Variants in APOBEC3F observed in about 807,000 individuals in gnomAD.
APOBEC3F encodes DNA dC->dU-editing enzyme APOBEC-3F.
APOBEC3F carries 34 observed loss-of-function variants against 45.8 expected under a neutral mutation model. The ratio of observed to expected loss-of-function variants is 0.74; its 90% CI spans 0.57 to 0.99. APOBEC3F has a LOEUF of 0.99. Among genes scored for constraint, APOBEC3F ranks in the 50% least tolerant of loss-of-function variants. The pLI, the probability that APOBEC3F is intolerant of heterozygous loss-of-function variation, is 0.00. For synonymous variants in APOBEC3F, 192 were observed against 174.4 expected (o/e 1.10, Z -0.80); for missense variants, 459 against 474.1 (o/e 0.97, Z 0.30).
intron 2 of APOBEC3F, chr22:39,044,149 C>T: frequency 1.9e-6 from 3 of 1,588,898 alleles, no homozygotes; most frequent in Non-Finnish European, 2.6e-6. Context: ...GTGCGCCCCA[C>T]CACATGGGAC....
At chr22:39,044,211 A>G (rs753887989) in intron 2 of APOBEC3F, 1 of 1,608,604 alleles carries the variant, frequency 6.2e-7, no homozygotes, top group African/African-American at 1.3e-5. Context: ...AACAAGGCAG[A>G]CCCTAGAGGG....
intron 4 of APOBEC3F, among the ~76,000 whole-genome samples, chr22:39,048,329 T>C (rs1214286556): frequency 6.6e-6 from 1 of 152,166 alleles, no homozygotes; most frequent in Non-Finnish European, 1.5e-5. Context: ...GATGGCCCCC[T>C]GCAGGCCTCA....
intron 4 of APOBEC3F, among the ~76,000 whole-genome samples, chr22:39,046,527 C>A (rs553824086): frequency 3.3e-5 from 5 of 152,114 alleles, no homozygotes; most frequent in African/African-American, 7.2e-5. Flanking sequence ...CCTCTGCTCA[C>A]GCCTGTCCCT....
At position 39,043,092 on chromosome 22, in the gene APOBEC3F, T is replaced by C. The variant is rs751907796; in HGVS notation, c.171+2T>C. The C allele has an allele frequency of 8.7e-6, 14 of 1,613,928 alleles. No individual in the cohort carries two copies. Among genetic ancestry groups the C allele is most frequent in the Middle Eastern group, 1.6e-4 (1 of 6,082 alleles). On this transcript the variant is annotated splice_donor_variant, in intron 2 of 6. Transcript: ENST00000308521. LOFTEE classifies it high-confidence loss of function. Reference sequence around the variant, plus strand: ...GACGCAAAGATCTTTCGAGGCCAGGTACCACCCGGACTTCAATCACTTTGC... The same window carrying C: ...GACGCAAAGATCTTTCGAGGCCAGGCACCACCCGGACTTCAATCACTTTGC...
rs1301211572 is a variant in APOBEC3F, at chr22:39,052,279, G to A, written c.929G>A (p.Trp310Ter). Residue 310 changes from tryptophan to a stop codon, truncating the protein, a stop_gained, in exon 6 of 7, where the codon TGG (tryptophan) becomes TAG (stop). Transcript: ENST00000308521. LOFTEE classifies it high-confidence loss of function. ...TTCACCGCCCGCCTCTACTACTTCT[G>A]GGATACAGATTACCAGGAGGGGCTC... ...TIFTARLYYF[W>*]DTDYQEGLRS... The A allele has an allele frequency of 2.5e-6, 4 of 1,614,194 alleles. No homozygotes were observed. In the East Asian group the frequency reaches 8.9e-5, roughly 36 times the overall value.
chr22:39,046,528 G>A (rs907691925), intron 4 of APOBEC3F, among the ~76,000 whole-genome samples: 10 of 151,770 alleles, frequency 6.6e-5, no homozygotes, highest in African/African-American at 2.2e-4. Flanking sequence ...CTCTGCTCAC[G>A]CCTGTCCCTT....
chr22:39,045,088 C>T lies in APOBEC3F; in HGVS notation c.319C>T (p.Leu107=). Residue 107 remains leucine (L), a synonymous_variant, in exon 3 of 7, where the codon CTG becomes TTG. Coordinates refer to ENST00000308521, the MANE Select transcript of APOBEC3F (RefSeq NM_145298.6). ...PDCVAKLAEF[L]AEHPNVTLTI... ...CTGTGTGGCGAAGCTGGCCGAATTC[C>T]TGGCTGAGCACCCCAATGTCACCCT... is the stretch of plus-strand genomic sequence containing the variant. 1.2e-6 allele frequency: 2 copies of T among 1,613,908 alleles called. No individual in the cohort carries two copies. Among genetic ancestry groups the T allele is most frequent in the Non-Finnish European group, 1.7e-6 (2 of 1,179,930 alleles).
chr22:39,049,373 C>G (rs1005637334), intron 4 of APOBEC3F, 52 bp from the exon 5 acceptor site: 7 of 1,595,746 alleles, frequency 4.4e-6, no homozygotes, highest in African/African-American at 1.3e-5. Context: ...GGCATCAGCT[C>G]CGAGGAATCC....
chr22:39,044,190 C>G (rs751195897), intron 2 of APOBEC3F: 1 of 1,609,202 alleles, frequency 6.2e-7, no homozygotes, highest in South Asian at 1.1e-5. Flanking sequence ...CCCAGCTGAC[C>G]GCAGGCAGGG....
chr22:39,043,431 G>A (rs1009567735), intron 2 of APOBEC3F, among the ~76,000 whole-genome samples: 6 of 150,736 alleles, frequency 4.0e-5, no homozygotes, highest in African/African-American at 1.5e-4. Context: ...CTCCCGAGTA[G>A]CTGGGATTAC....
intron 4 of APOBEC3F, among the ~76,000 whole-genome samples, chr22:39,049,006 AAAC>A (rs143585247): frequency 0.53 from 80,202 of 150,498 alleles, 21,734 homozygotes; most frequent in East Asian, 0.69. Flanking sequence ...AAAACAAAAA[AAAC>A]AAAAAGAGTA....
chr22:39,041,777 G>C (rs1299454390), intron 1 of APOBEC3F, among the ~76,000 whole-genome samples: 4 of 151,948 alleles, frequency 2.6e-5, no homozygotes, highest in Non-Finnish European at 5.9e-5. Flanking sequence ...CAGGAGAATC[G>C]CTTGAACCCA....
At chr22:39,041,674 A>G (rs1044674037) in intron 1 of APOBEC3F, among the ~76,000 whole-genome samples, 1 of 151,982 alleles carries the variant, frequency 6.6e-6, no homozygotes, top group African/African-American at 2.4e-5. Context: ...GACCATCCTG[A>G]TCAACATGGA....
intron 5 of APOBEC3F, among the ~76,000 whole-genome samples, chr22:39,051,208 G>A (rs1172362837): frequency 1.3e-5 from 2 of 151,828 alleles, no homozygotes; most frequent in East Asian, 3.9e-4. Context: ...CTGCCCCCCA[G>A]CCTGGGTGAC....
Position 39,043,105 on chromosome 22 carries a change from T to A in APOBEC3F, c.171+15T>A. On this transcript the variant is annotated intron_variant, in intron 2 of 6. Coordinates refer to ENST00000308521, the MANE Select transcript of APOBEC3F (RefSeq NM_145298.6). ...TTCGAGGCCAGGTACCACCCGGACT[T>A]CAATCACTTTGCAGGCAGGAGCTAA... The A allele has an allele frequency of 6.2e-7, 1 of 1,613,390 alleles. No homozygotes were observed. The highest frequency in any genetic ancestry group is 8.5e-7 in the Non-Finnish European group (1 of 1,179,636).
rs777767198 is a variant in APOBEC3F, at chr22:39,045,549, G to A, written c.566+7G>A. 6 of 1,613,908 alleles carry A rather than the reference G, an allele frequency of 3.7e-6. No individual in the cohort carries two copies. The highest frequency in any genetic ancestry group is 2.2e-5 in the South Asian group (2 of 91,088). ...CGCTAAAGGAGATTCTCAGGTGAGG[G>A]TCTCCCTCTGGCCTCATCGTCTGTC... On this transcript the variant is annotated splice_region_variant and intron_variant, in intron 4 of 6. Coordinates refer to ENST00000308521, the MANE Select transcript of APOBEC3F (RefSeq NM_145298.6).
chr22:39,046,533 T>C (rs1927230931), intron 4 of APOBEC3F, among the ~76,000 whole-genome samples: 1 of 151,472 alleles, frequency 6.6e-6, no homozygotes, highest in Non-Finnish European at 1.5e-5. Context: ...CTCACGCCTG[T>C]CCCTTCTCAA....
chr22:39,042,889 T>C (rs1256351746), intron 1 of APOBEC3F, 48 bp from the exon 2 acceptor site: 2 of 1,608,806 alleles, frequency 1.2e-6, no homozygotes, highest in East Asian at 2.2e-5. Context: ...CCCTGAGGGC[T>C]CCCGGGAGCG....
chr22:39,042,159 A>G lies in APOBEC3F; in HGVS notation c.18-778A>G, dbSNP rs1442159414. Among the ~76,000 whole-genome samples the G allele has an allele frequency of 3.9e-5, 6 of 152,332 alleles. No individual in the cohort carries two copies. The East Asian group carries it at 1.2e-3, about 29-fold the overall frequency. On this transcript the variant is annotated intron_variant, in intron 1 of 6. Transcript: ENST00000308521. ...CTAGGGCAGCCTCACATGAGCTCAC[A>G]TCCGCGCAGCACTTAGAAGAGTGGC...
Sources: gnomAD v4.1 joint callset for allele counts (sites outside exome capture counted in the v4.1 genomes callset) on GRCh38, gnomAD v4.1.1 for gene constraint, MANE v1.5 for transcripts, NCBI Gene and HGNC (gene_info 2026-07-23, HGNC 2026-07-21) for gene names.